The following GRIK3 variants were observed in gnomAD, a reference collection of about 807,000 sequenced individuals.
The protein encoded by GRIK3 is glutamate ionotropic receptor kainate type subunit 3.
GRIK3 carries 29 observed loss-of-function variants against 102.5 expected under a neutral mutation model. The ratio of observed to expected loss-of-function variants is 0.28; its 90% CI spans 0.21 to 0.39. GRIK3 has a LOEUF of 0.39. Among genes scored for constraint, GRIK3 ranks in the 10% least tolerant of loss-of-function variants. The pLI is 1.00. For synonymous variants in GRIK3, 511 were observed against 504.9 expected (o/e 1.01, Z -0.16); for missense variants, 908 against 1,252.4 (o/e 0.73, Z 4.15).
rs1439102617 is a variant in GRIK3, at chr1:36,797,894, G to A, written c.*3957C>T. The A allele has an allele frequency of 6.6e-6, 1 of 152,404 alleles. No homozygotes were observed. The highest frequency in any genetic ancestry group is 2.4e-5 in the African/African-American group (1 of 41,474). 9.4% of individuals were successfully genotyped at this position (152,404 alleles called of 1,614,324 possible). A position where few individuals can be genotyped will look rare whatever the true frequency, so the allele number is the denominator to read the frequency against. On this transcript the variant is annotated 3_prime_UTR_variant, in exon 16 of 16. Transcript: ENST00000373091. ...GGTGGAGGGGAGCAACTTCTAACCT[G>A]TTTGGCCCTTTACCCTGGCCTGGGC... is the stretch of plus-strand genomic sequence containing the variant.
At chr1:36,829,641 C>T (rs1359960537) in intron 10 of GRIK3, among the ~76,000 whole-genome samples, 2 of 152,120 alleles carry the variant, frequency 1.3e-5, no homozygotes, top group Admixed American at 6.5e-5. Context: ...ACTTCATCCC[C>T]ATAAGCAGCT....
intron 5 of GRIK3, among the ~76,000 whole-genome samples, chr1:36,864,834 C>T (rs1223484846): frequency 6.7e-6 from 1 of 149,432 alleles, no homozygotes; most frequent in African/African-American, 2.5e-5. Flanking sequence ...CTCTTTTGTC[C>T]AGCTCCATTT....
At chr1:36,929,997 C>T (rs1641570469) in intron 1 of GRIK3, among the ~76,000 whole-genome samples, 1 of 152,144 alleles carries the variant, frequency 6.6e-6, no homozygotes, top group Non-Finnish European at 1.5e-5. Flanking sequence ...TCCTGACAGT[C>T]CATAGAGTTG....
intron 1 of GRIK3, among the ~76,000 whole-genome samples, chr1:36,969,962 A>G (rs1642123974): frequency 6.6e-6 from 1 of 152,236 alleles, no homozygotes; most frequent in Non-Finnish European, 1.5e-5. Context: ...TTGGCAGGGG[A>G]AAAAATATAT....
chr1:36,852,275 A>T (rs1640594494), intron 8 of GRIK3, among the ~76,000 whole-genome samples: 1 of 152,162 alleles, frequency 6.6e-6, no homozygotes, highest in African/African-American at 2.4e-5. Flanking sequence ...GAAAGTCGGG[A>T]GAGACTGGAA....
intron 1 of GRIK3, among the ~76,000 whole-genome samples, chr1:36,997,284 G>A (rs1410262164): frequency 6.6e-6 from 1 of 152,194 alleles, no homozygotes; most frequent in East Asian, 1.9e-4. Context: ...GGTTTATGGC[G>A]CGTTCTGTTC....
intron 1 of GRIK3, among the ~76,000 whole-genome samples, chr1:36,992,695 C>G (rs1050909251): frequency 6.6e-6 from 1 of 152,196 alleles, no homozygotes; most frequent in Admixed American, 6.5e-5. Context: ...TTATAAACAT[C>G]GTCATGAGCA....
chr1:37,009,344 C>T (rs1241071447), intron 1 of GRIK3, among the ~76,000 whole-genome samples: 2 of 152,152 alleles, frequency 1.3e-5, no homozygotes, highest in African/African-American at 2.4e-5. Flanking sequence ...CCTGGGCAAG[C>T]TCAGTGACTC....
chr1:36,979,241 G>T (rs559400456), intron 1 of GRIK3, among the ~76,000 whole-genome samples: 78 of 152,374 alleles, frequency 5.1e-4, no homozygotes, highest in African/African-American at 1.7e-3. Flanking sequence ...CTACCTGCAG[G>T]ATTGGCCTGC....
Position 36,859,237 on chromosome 1 carries a change from T to G in GRIK3, c.975A>C (p.Leu325Phe). 6.2e-7 allele frequency: 1 copy of G among 1,610,350 alleles called. No homozygotes were observed. The highest frequency in any genetic ancestry group is 1.3e-5 in the African/African-American group (1 of 74,954). The part of the protein sequence containing the change: ...LDGVMMTDAA[L>F]LYDAVHIVSV... Reference sequence around the variant, plus strand: ...ACACGATATGGACGGCGTCGTACAGTAAGGCTGCATCAGTCTGCAGGGAAG... The same window carrying G: ...ACACGATATGGACGGCGTCGTACAGGAAGGCTGCATCAGTCTGCAGGGAAG... Residue 325 changes from leucine to phenylalanine, a missense_variant, in exon 7 of 16, where the codon TTA becomes TTC. Coordinates refer to ENST00000373091, the MANE Select transcript of GRIK3 (RefSeq NM_000831.4).
In GRIK3 at chr1:37,015,363, C is replaced by T. The variant is rs77536746; in HGVS notation, c.115+18631G>A. On this transcript the variant is annotated intron_variant, in intron 1 of 15. Transcript: ENST00000373091. ...CCCTTATTTTATCCAGAACTTAATC[C>T]ACTTGCCTAGAAAGCCGGAGGTTCC... Among the ~76,000 whole-genome samples the T allele has an allele frequency of 3.4e-4, 52 of 152,318 alleles. 1 individual carries two copies. The East Asian group carries it at 9.8e-3, about 29-fold the overall frequency.
intron 5 of GRIK3, among the ~76,000 whole-genome samples, chr1:36,862,531 C>T (rs1002765244): frequency 3.9e-5 from 6 of 152,092 alleles, no homozygotes; most frequent in Non-Finnish European, 7.4e-5. Context: ...AGCCACTAAG[C>T]GATTACTCGT....
At chr1:36,803,964 A>G (rs535474505) in intron 15 of GRIK3, among the ~76,000 whole-genome samples, 1 of 152,366 alleles carries the variant, frequency 6.6e-6, no homozygotes, top group South Asian at 2.1e-4. Context: ...GTGGAAATTG[A>G]CAGGCCAAAA....
chr1:36,829,338 G>A (rs1395248265), intron 10 of GRIK3, among the ~76,000 whole-genome samples: 2 of 152,076 alleles, frequency 1.3e-5, no homozygotes, highest in Non-Finnish European at 2.9e-5. Flanking sequence ...GGCTGTCAGA[G>A]CTGGATGAGA....
chr1:36,950,953 C>T (rs1039858562), intron 1 of GRIK3, among the ~76,000 whole-genome samples: 2 of 152,210 alleles, frequency 1.3e-5, no homozygotes, highest in African/African-American at 2.4e-5. Context: ...ATGATGCAGC[C>T]TCTGCTGCAG....
intron 5 of GRIK3, among the ~76,000 whole-genome samples, chr1:36,861,942 G>C (rs542998680): frequency 2.6e-5 from 4 of 152,188 alleles, no homozygotes; most frequent in Admixed American, 1.3e-4. Flanking sequence ...AGTAGGGAGT[G>C]GGGGGTGGCA....
intron 9 of GRIK3, among the ~76,000 whole-genome samples, chr1:36,842,372 G>A (rs183261532): frequency 3.2e-4 from 49 of 152,272 alleles, no homozygotes; most frequent in Non-Finnish European, 1.5e-4. Flanking sequence ...TAACTGAACC[G>A]GAAACTCTGG....
chr1:37,026,672 C>A lies in GRIK3; in HGVS notation c.115+7322G>T, dbSNP rs149315023. Among the ~76,000 whole-genome samples the A allele has an allele frequency of 4.6e-5, 7 of 152,238 alleles. No individual in the cohort carries two copies. The East Asian group carries it at 1.2e-3, about 25-fold the overall frequency. On this transcript the variant is annotated intron_variant, in intron 1 of 15. Transcript: ENST00000373091. ...AATAGCTGCACGTGGTTCAACCTAA[C>A]GTTAATACTTCTATTTTATAGATGA...
intron 9 of GRIK3, among the ~76,000 whole-genome samples, chr1:36,844,699 C>T (rs376311992): frequency 5.3e-5 from 8 of 152,098 alleles, no homozygotes; most frequent in African/African-American, 7.2e-5. Context: ...AGTCAGTCTA[C>T]GAAAAGCACT....
Sources: allele counts gnomAD v4.1 joint callset (sites outside exome capture counted in the v4.1 genomes callset), GRCh38; gene constraint gnomAD v4.1.1; transcripts MANE v1.5; gene names NCBI Gene and HGNC (gene_info 2026-07-23, HGNC 2026-07-21).